Variants in MAPK10 observed in about 807,000 individuals in gnomAD.
MAPK10 encodes JNK3 alpha protein kinase.
In MAPK10, 25 loss-of-function variants were observed where a neutral mutation model predicts 59.3. The observed-to-expected ratio is 0.42, with a 90% CI of 0.31 to 0.59. The LOEUF (loss-of-function observed/expected upper bound fraction) is 0.59, where lower values mean the gene tolerates loss of function less well. MAPK10 is among the 20% of genes least tolerant of loss of function. MAPK10 has a pLI of 0.15. For synonymous variants in MAPK10, 190 were observed against 200.5 expected, an observed-to-expected ratio of 0.95 and a Z score of 0.44; for missense variants, 351 against 568.9, an observed-to-expected ratio of 0.62 and a Z score of 3.90.
intron 1 of MAPK10, among the ~76,000 whole-genome samples, chr4:86,530,291 C>T (rs1459083070): frequency 2.6e-5 from 4 of 152,114 alleles, no homozygotes; most frequent in African/African-American, 9.7e-5. Context: ...GAAACCATGC[C>T]TATCTGATTC....
At chr4:86,551,496 T>C (rs142715358) in intron 1 of MAPK10, among the ~76,000 whole-genome samples, 175 of 152,196 alleles carry the variant, frequency 1.1e-3, no homozygotes, top group Non-Finnish European at 6.5e-4. Flanking sequence ...ATAACATGAG[T>C]TTACTTCCTT....
At chr4:86,141,291 A>G (rs1205620117) in intron 4 of MAPK10, among the ~76,000 whole-genome samples, 1 of 152,206 alleles carries the variant, frequency 6.6e-6, no homozygotes, top group Non-Finnish European at 1.5e-5. Context: ...TGAACATGAG[A>G]TAGTTAACTG....
At chr4:86,370,034 C>A (rs1738515935) in intron 1 of MAPK10, among the ~76,000 whole-genome samples, 1 of 152,148 alleles carries the variant, frequency 6.6e-6, no homozygotes, top group Non-Finnish European at 1.5e-5. Context: ...ATTCTGATTG[C>A]AATGAGAGAT....
At chr4:86,417,222 A>G (rs1271182077) in intron 1 of MAPK10, among the ~76,000 whole-genome samples, 4 of 152,164 alleles carry the variant, frequency 2.6e-5, no homozygotes, top group Non-Finnish European at 5.9e-5. Context: ...TTAAAAGTGG[A>G]ATTTAAAAGT....
chr4:86,075,473 C>G (rs1266035492), intron 9 of MAPK10, among the ~76,000 whole-genome samples: 1 of 152,112 alleles, frequency 6.6e-6, no homozygotes, highest in African/African-American at 2.4e-5. Context: ...AGATGCTCTG[C>G]GTTTTAGAGT....
At position 86,365,431 on chromosome 4, in the gene MAPK10, C is replaced by CAAAAAAAAAAAAAAAAAAAA. The variant is rs70948789; in HGVS notation, c.-121-10807_-121-10788dup. Among the ~76,000 whole-genome samples, 41 of 32,446 alleles carry CAAAAAAAAAAAAAAAAAAAA rather than the reference C, an allele frequency of 1.3e-3. 8 individuals carry two copies. Among genetic ancestry groups the CAAAAAAAAAAAAAAAAAAAA allele is most frequent in the Non-Finnish European group, 1.6e-3 (31 of 19,194 alleles). 21.3% of individuals were successfully genotyped at this position (32,446 alleles called of 152,430 possible). A position where few individuals can be genotyped will look rare whatever the true frequency, so the allele number is the denominator to read the frequency against. On this transcript the variant is annotated intron_variant, in intron 1 of 13. Transcript: ENST00000361569. Reference sequence around the variant, plus strand: ...TGGGCAACAGGGTGAGACTCTGTCTCAAAAAAAAAAAAAAAAAAAAAAAAA... The same window carrying CAAAAAAAAAAAAAAAAAAAA: ...TGGGCAACAGGGTGAGACTCTGTCTCAAAAAAAAAAAAAAAAAAAAAAAAAAAAAAAAAAAAAAAAAAAAA...
At chr4:86,581,664 T>C (rs1008931342) in intron 1 of MAPK10, among the ~76,000 whole-genome samples, 2 of 146,956 alleles carry the variant, frequency 1.4e-5, no homozygotes, top group Non-Finnish European at 3.0e-5. Flanking sequence ...AGCTATCTTT[T>C]TTTTTCAGTT....
At chr4:86,188,985 C>T (rs1582317511) in intron 3 of MAPK10, among the ~76,000 whole-genome samples, 1 of 152,126 alleles carries the variant, frequency 6.6e-6, no homozygotes, top group Non-Finnish European at 1.5e-5. Context: ...AGCCAGTTTT[C>T]CCAACACCAT....
intron 1 of MAPK10, among the ~76,000 whole-genome samples, chr4:86,379,707 T>C (rs1564765520): frequency 6.6e-6 from 1 of 152,224 alleles, no homozygotes; most frequent in South Asian, 2.1e-4. Flanking sequence ...TTGTTTCCTG[T>C]AAGGAATACT....
chr4:86,557,888 C>T (rs1376963028), intron 1 of MAPK10, among the ~76,000 whole-genome samples: 1 of 152,084 alleles, frequency 6.6e-6, no homozygotes, highest in African/African-American at 2.4e-5. Context: ...GAGAAACATA[C>T]TTTCCCACAT....
rs1455757566 is a variant in MAPK10 at position 86,145,250 on chromosome 4, T to A, written c.236+14048A>T. Among the ~76,000 whole-genome samples, 6 of 90,874 alleles carry A rather than the reference T, an allele frequency of 6.6e-5. 1 individual carries two copies. Among genetic ancestry groups the A allele is most frequent in the Admixed American group, 6.5e-4 (6 of 9,280 alleles). 59.6% of individuals were successfully genotyped at this position (90,874 alleles called of 152,430 possible). A position where few individuals can be genotyped will look rare whatever the true frequency, so the allele number is the denominator to read the frequency against. Reference sequence around the variant, plus strand: ...GGTGGCGCGCGCCTGTAGTCCCAGCTACACGGGAGGCTGAGGCAGGAGAAT... The same window carrying A: ...GGTGGCGCGCGCCTGTAGTCCCAGCAACACGGGAGGCTGAGGCAGGAGAAT... On this transcript the variant is annotated intron_variant, in intron 4 of 13. Coordinates refer to ENST00000641462, the MANE Select transcript of MAPK10 (RefSeq NM_138982.4).
At chr4:86,454,491 A>T (rs1751064480), upstream of MAPK10, among the ~76,000 whole-genome samples, 2 of 152,270 alleles carry the variant, frequency 1.3e-5, no homozygotes, top group South Asian at 4.1e-4. Context: ...TCTCAGCAAT[A>T]GACTTAAACA....
At chr4:86,433,989 T>C (rs887201749) in intron 1 of MAPK10, among the ~76,000 whole-genome samples, 1 of 152,176 alleles carries the variant, frequency 6.6e-6, no homozygotes, top group Non-Finnish European at 1.5e-5. Context: ...TTCCACTATA[T>C]ATATGCAAGT....
intron 1 of MAPK10, among the ~76,000 whole-genome samples, chr4:86,374,040 T>A (rs1377036772): frequency 6.6e-6 from 1 of 151,628 alleles, no homozygotes; most frequent in Non-Finnish European, 1.5e-5. Context: ...ATAAAGAAAA[T>A]GTGGCACATA....
chr4:86,086,710 G>C (rs2051949480), intron 9 of MAPK10, among the ~76,000 whole-genome samples: 1 of 151,828 alleles, frequency 6.6e-6, no homozygotes, highest in South Asian at 2.1e-4. Flanking sequence ...CATATCTCCA[G>C]CTCTATTTTA....
At chr4:86,291,674 T>C (rs1233043276) in intron 2 of MAPK10, among the ~76,000 whole-genome samples, 2 of 152,192 alleles carry the variant, frequency 1.3e-5, no homozygotes, top group African/African-American at 4.8e-5. Flanking sequence ...AGATAATTCA[T>C]TTCTAAGCAC....
At chr4:86,072,644 G>A (rs9762665) in intron 9 of MAPK10, among the ~76,000 whole-genome samples, 58,084 of 58,936 alleles carry the variant, frequency 0.99, 28,674 homozygotes, top group East Asian at 1. Flanking sequence ...GCATCTATTG[G>A]GATAATCATG....
chr4:86,547,133 T>C (rs1759259308), intron 1 of MAPK10, among the ~76,000 whole-genome samples: 1 of 152,142 alleles, frequency 6.6e-6, no homozygotes, highest in African/African-American at 2.4e-5. Flanking sequence ...TTTCTATGAG[T>C]GATAGTGAGA....
At chr4:86,104,611 A>G (rs1447215199) in intron 5 of MAPK10, among the ~76,000 whole-genome samples, 1 of 152,150 alleles carries the variant, frequency 6.6e-6, no homozygotes, top group Admixed American at 6.6e-5. Flanking sequence ...AGCACACATT[A>G]CATCCACACA....
Sources: gnomAD v4.1 joint callset for allele counts (sites outside exome capture counted in the v4.1 genomes callset) on GRCh38, gnomAD v4.1.1 for gene constraint, MANE v1.5 for transcripts, NCBI Gene and HGNC (gene_info 2026-07-23, HGNC 2026-07-21) for gene names.